FANK1: variants seen among roughly 807,000 people sequenced by gnomAD.
FANK1 encodes fibronectin type 3 and ankyrin repeat domains protein 1.
A neutral mutation model predicts 45.3 loss-of-function variants in FANK1; 44 were observed. That is an observed-to-expected ratio of 0.97 (90% CI 0.76 to 1.25). The LOEUF (loss-of-function observed/expected upper bound fraction) is 1.25. Among genes scored for constraint, FANK1 ranks in the 50% most tolerant of loss-of-function variants. FANK1 has a pLI of 0.00. For missense variants in FANK1, 391 were observed against 424.4 expected, an observed-to-expected ratio of 0.92 and a Z score of 0.69; for synonymous variants, 149 against 152.5, an observed-to-expected ratio of 0.98 and a Z score of 0.17.
intron 6 of FANK1, among the ~76,000 whole-genome samples, chr10:125,998,298 T>C (rs1394584421): frequency 1.3e-5 from 2 of 152,208 alleles, no homozygotes; most frequent in Non-Finnish European, 2.9e-5. Flanking sequence ...AAACCCCAAC[T>C]AACTTCTCAA....
chr10:125,922,164 C>G (rs1432291464), intron 1 of FANK1, among the ~76,000 whole-genome samples: 1 of 152,206 alleles, frequency 6.6e-6, no homozygotes, highest in Non-Finnish European at 1.5e-5. Context: ...TTAAGACACT[C>G]TCTTTGACCT....
chr10:125,921,068 C>T (rs1412860636), intron 1 of FANK1, among the ~76,000 whole-genome samples: 2 of 152,152 alleles, frequency 1.3e-5, no homozygotes, highest in African/African-American at 2.4e-5. Flanking sequence ...TTGGAATTTC[C>T]ACTGGGATTA....
Position 126,009,463 on chromosome 10 carries a change from C to G in FANK1, c.*25C>G. The G allele has an allele frequency of 1.2e-6, 2 of 1,611,218 alleles. No individual in the cohort carries two copies. Among genetic ancestry groups the G allele is most frequent in the East Asian group, 2.2e-5 (1 of 44,856 alleles). On this transcript the variant is annotated 3_prime_UTR_variant, in exon 11 of 11. Coordinates refer to ENST00000368693, the MANE Select transcript of FANK1 (RefSeq NM_145235.5). The stretch of plus-strand genomic sequence containing the variant: ...ATGAGAGCACCACTCATCTGCGAAA[C>G]GCACGTAAAACAAAGTGAACCGTGA...
intron 7 of FANK1, among the ~76,000 whole-genome samples, chr10:126,005,496 C>T (rs1397251544): frequency 2.6e-5 from 4 of 151,960 alleles, no homozygotes; most frequent in Non-Finnish European, 5.9e-5. Context: ...TTAGTAGAGA[C>T]GGGGTTTCAC....
intron 1 of FANK1, among the ~76,000 whole-genome samples, chr10:125,897,894 C>T (rs1589738510): frequency 6.7e-6 from 1 of 150,026 alleles, no homozygotes; most frequent in African/African-American, 2.5e-5. Context: ...CGGTGGCTCA[C>T]GCCTGTAATC....
chr10:125,922,581 A>T (rs1003055867), intron 1 of FANK1, among the ~76,000 whole-genome samples: 1 of 152,176 alleles, frequency 6.6e-6, no homozygotes, highest in African/African-American at 2.4e-5. Context: ...CAGTGGCATG[A>T]TCAGGGATCA....
chr10:125,968,965 C>G (rs1016182245), intron 1 of FANK1, among the ~76,000 whole-genome samples: 6 of 152,224 alleles, frequency 3.9e-5, no homozygotes, highest in Admixed American at 3.9e-4. Flanking sequence ...ACAAGTGGCA[C>G]CAGAGGCATA....
chr10:125,967,803 A>G (rs929995227), intron 1 of FANK1, among the ~76,000 whole-genome samples: 1 of 152,220 alleles, frequency 6.6e-6, no homozygotes, highest in East Asian at 1.9e-4. Context: ...AAAAGCACAT[A>G]CAATGCAAAA....
chr10:125,981,496 CAA>C (rs60627576), intron 2 of FANK1, among the ~76,000 whole-genome samples: 128 of 117,280 alleles, frequency 1.1e-3, no homozygotes, highest in East Asian at 1.9e-3. Flanking sequence ...GACCCTGTCT[CAA>C]AAAAAAAAAA....
intron 1 of FANK1, among the ~76,000 whole-genome samples, chr10:125,901,403 C>T (rs1260731111): frequency 1.3e-5 from 2 of 152,188 alleles, no homozygotes; most frequent in Non-Finnish European, 2.9e-5. Flanking sequence ...GTGATTTTTG[C>T]ATGTCTTCTT....
intron 6 of FANK1, among the ~76,000 whole-genome samples, chr10:126,002,367 T>A (rs533292651): frequency 6.6e-6 from 1 of 152,196 alleles, no homozygotes; most frequent in Non-Finnish European, 1.5e-5. Context: ...GAATATAATT[T>A]AAAAAATGAA....
At chr10:125,915,630 C>G (rs1946388858) in intron 1 of FANK1, among the ~76,000 whole-genome samples, 1 of 152,180 alleles carries the variant, frequency 6.6e-6, no homozygotes, top group Non-Finnish European at 1.5e-5. Flanking sequence ...GCCTGAGCAA[C>G]ATAGACCCTG....
intron 1 of FANK1, among the ~76,000 whole-genome samples, chr10:125,906,391 C>T (rs1471711798): frequency 6.6e-6 from 1 of 151,732 alleles, no homozygotes; most frequent in East Asian, 1.9e-4. Context: ...TGGTGTGTGC[C>T]TGTAATCCCA....
intron 1 of FANK1, among the ~76,000 whole-genome samples, chr10:125,931,215 C>T (rs544855809): frequency 3.0e-4 from 45 of 152,302 alleles, no homozygotes; most frequent in African/African-American, 8.9e-4. Context: ...GACTTCTTTT[C>T]CTCTGGGTAG....
chr10:125,953,497 G>A lies in FANK1; in HGVS notation c.14-26664G>A, dbSNP rs532431976. Among the ~76,000 whole-genome samples the A allele has an allele frequency of 2.0e-5, 3 of 152,230 alleles. No homozygotes were observed. The East Asian group carries it at 5.8e-4, about 29-fold the overall frequency. ...CTCTGTTTTTATGTCTTAGGCACGA[G>A]GATCCTATAGGTGAACTTGTTTGGA... On this transcript the variant is annotated intron_variant, in intron 1 of 10. Transcript: ENST00000368693.
At chr10:125,953,617 G>A (rs118186749) in intron 1 of FANK1, among the ~76,000 whole-genome samples, 2,484 of 152,330 alleles carry the variant, frequency 0.016, 32 homozygotes, top group South Asian at 0.032. Flanking sequence ...AAAGCCCTGA[G>A]ATTTCCTCTG....
intron 1 of FANK1, among the ~76,000 whole-genome samples, chr10:125,911,653 T>C (rs1431763860): frequency 6.6e-6 from 1 of 152,218 alleles, no homozygotes; most frequent in East Asian, 1.9e-4. Context: ...CTAGTAGCAA[T>C]ATGAGTGAAT....
chr10:126,007,548 C>G (rs1953313739), intron 7 of FANK1, among the ~76,000 whole-genome samples: 1 of 152,186 alleles, frequency 6.6e-6, no homozygotes, highest in South Asian at 2.1e-4. Flanking sequence ...CCCAAGATCT[C>G]CTGGAAATTC....
chr10:126,005,497 G>A (rs577380350), intron 7 of FANK1, among the ~76,000 whole-genome samples: 9 of 151,940 alleles, frequency 5.9e-5, no homozygotes, highest in Non-Finnish European at 8.8e-5. Flanking sequence ...TAGTAGAGAC[G>A]GGGTTTCACC....
Sources: gnomAD v4.1 joint callset for allele counts (sites outside exome capture counted in the v4.1 genomes callset) on GRCh38, gnomAD v4.1.1 for gene constraint, MANE v1.5 for transcripts, NCBI Gene and HGNC (gene_info 2026-07-23, HGNC 2026-07-21) for gene names.